The following SLC35F4 variants were observed in gnomAD, a reference collection of about 807,000 sequenced individuals.
SLC35F4 encodes the protein solute carrier family 35 member F4.
In SLC35F4, 24 loss-of-function variants were observed where a neutral mutation model predicts 44.2. That is an observed-to-expected ratio of 0.54 (90% CI 0.39 to 0.76). SLC35F4 has a LOEUF of 0.76. Ranked by LOEUF, SLC35F4 falls within the 30% of genes least tolerant of loss-of-function variation. SLC35F4 has a pLI of 0.00. For missense variants in SLC35F4, 562 were observed against 586.1 expected, an observed-to-expected ratio of 0.96 and a Z score of 0.42; for synonymous variants, 238 against 223.6, an observed-to-expected ratio of 1.06 and a Z score of -0.57.
intron 1 of SLC35F4, among the ~76,000 whole-genome samples, chr14:57,680,793 CT>C (rs1594782566): frequency 6.6e-6 from 1 of 152,102 alleles, no homozygotes; most frequent in East Asian, 1.9e-4. Flanking sequence ...AATAAAATAC[CT>C]AGGAATTCAA....
At chr14:57,918,936 A>G (rs1003512238) in intron 1 of SLC35F4, among the ~76,000 whole-genome samples, 3 of 152,212 alleles carry the variant, frequency 2.0e-5, no homozygotes, top group Non-Finnish European at 4.4e-5. Flanking sequence ...CACCCCAAAA[A>G]TTTATATTTC....
intron 1 of SLC35F4, among the ~76,000 whole-genome samples, chr14:57,708,319 G>A (rs924785695): frequency 2.0e-5 from 3 of 152,006 alleles, no homozygotes; most frequent in Non-Finnish European, 4.4e-5. Flanking sequence ...CCCAAGCCCC[G>A]ACCCACCAAA....
chr14:57,737,960 A>G (rs1811706025), intron 1 of SLC35F4, among the ~76,000 whole-genome samples: 1 of 152,240 alleles, frequency 6.6e-6, no homozygotes, highest in South Asian at 2.1e-4. Flanking sequence ...GTAGGCAGAA[A>G]AAAAGCAATT....
intron 1 of SLC35F4, among the ~76,000 whole-genome samples, chr14:57,920,733 C>A (rs903652964): frequency 1.3e-5 from 2 of 152,172 alleles, no homozygotes; most frequent in African/African-American, 4.8e-5. Flanking sequence ...ATTAACCAGT[C>A]TATAGAAATA....
intron 1 of SLC35F4, among the ~76,000 whole-genome samples, chr14:57,830,350 T>C (rs192933073): frequency 1.2e-3 from 177 of 152,328 alleles, no homozygotes; most frequent in African/African-American, 3.9e-3. Context: ...TGAAATAATG[T>C]ATGTTAACTA....
intron 1 of SLC35F4, among the ~76,000 whole-genome samples, chr14:57,848,141 A>G (rs889220614): frequency 6.6e-6 from 1 of 152,236 alleles, no homozygotes; most frequent in African/African-American, 2.4e-5. Flanking sequence ...AGAATTTCTC[A>G]AAGCCTGGAA....
At chr14:57,623,358 T>C (rs1195387452) in intron 1 of SLC35F4, among the ~76,000 whole-genome samples, 4 of 152,100 alleles carry the variant, frequency 2.6e-5, no homozygotes, top group East Asian at 1.9e-4. Flanking sequence ...CACACAATAA[T>C]AGTGGAAGAC....
chr14:57,768,945 G>A (rs1471699055), intron 1 of SLC35F4, among the ~76,000 whole-genome samples: 2 of 152,046 alleles, frequency 1.3e-5, no homozygotes, highest in African/African-American at 2.4e-5. Context: ...TAGCGATAGG[G>A]TTTCACCATG....
At chr14:57,757,614 A>G (rs186072599) in intron 1 of SLC35F4, among the ~76,000 whole-genome samples, 2,182 of 152,274 alleles carry the variant, frequency 0.014, 26 homozygotes, top group Middle Eastern at 0.054. Context: ...TTCAAGCAAT[A>G]ATATGTCACT....
intron 1 of SLC35F4, among the ~76,000 whole-genome samples, chr14:57,759,946 ATTCT>A (rs2077086396): frequency 6.6e-6 from 1 of 151,058 alleles, no homozygotes; most frequent in African/African-American, 2.4e-5. Context: ...TTGAATATTA[ATTCT>A]TTATCAGATA....
chr14:57,831,844 T>C (rs962857219), intron 1 of SLC35F4, among the ~76,000 whole-genome samples: 1 of 152,198 alleles, frequency 6.6e-6, no homozygotes, highest in Admixed American at 6.5e-5. Context: ...AAAACCCTAC[T>C]GTGATTGAAT....
At chr14:57,840,673 G>C (rs900719623) in intron 1 of SLC35F4, among the ~76,000 whole-genome samples, 3 of 152,114 alleles carry the variant, frequency 2.0e-5, no homozygotes, top group African/African-American at 7.2e-5. Flanking sequence ...TTTCAAAACA[G>C]AAACCTTATC....
chr14:57,908,173 T>G (rs1010711385), intron 1 of SLC35F4, among the ~76,000 whole-genome samples: 1 of 152,242 alleles, frequency 6.6e-6, no homozygotes, highest in Non-Finnish European at 1.5e-5. Context: ...GTACCACATT[T>G]TCTTAATCCA....
intron 1 of SLC35F4, among the ~76,000 whole-genome samples, chr14:57,926,536 C>A (rs990400810): frequency 6.6e-6 from 1 of 152,098 alleles, no homozygotes; most frequent in African/African-American, 2.4e-5. Flanking sequence ...AAAAAAGCAA[C>A]CTGATACTAG....
chr14:57,960,951 G>A (rs1485683789), intron 1 of SLC35F4, among the ~76,000 whole-genome samples: 1 of 152,094 alleles, frequency 6.6e-6, no homozygotes, highest in Non-Finnish European at 1.5e-5. Context: ...CAGCCTTTCT[G>A]CAAGACCCTG....
chr14:57,933,018 G>A (rs1394259929), intron 1 of SLC35F4, among the ~76,000 whole-genome samples: 4 of 151,242 alleles, frequency 2.6e-5, no homozygotes, highest in Admixed American at 2.6e-4. Flanking sequence ...AGGTTAATAA[G>A]GGAAAGTTCT....
intron 1 of SLC35F4, among the ~76,000 whole-genome samples, chr14:57,954,966 A>C (rs1890210240): frequency 6.6e-6 from 1 of 151,682 alleles, no homozygotes; most frequent in East Asian, 1.9e-4. Context: ...AAAAAAAAAA[A>C]AAACCTGGCA....
intron 1 of SLC35F4, among the ~76,000 whole-genome samples, chr14:57,914,200 T>C (rs1249175146): frequency 6.6e-6 from 1 of 151,944 alleles, no homozygotes; most frequent in Non-Finnish European, 1.5e-5. Context: ...CATCCCGTGG[T>C]GAAAGGTAAG....
intron 1 of SLC35F4, among the ~76,000 whole-genome samples, chr14:57,717,113 AC>A (rs1441687113): frequency 1.3e-5 from 2 of 152,204 alleles, no homozygotes; most frequent in East Asian, 3.9e-4. Flanking sequence ...ATGTAGATGA[AC>A]CCTTAGGTTA....
Sources: gnomAD v4.1 joint callset for allele counts (sites outside exome capture counted in the v4.1 genomes callset) on GRCh38, gnomAD v4.1.1 for gene constraint, MANE v1.5 for transcripts, NCBI Gene and HGNC (gene_info 2026-07-23, HGNC 2026-07-21) for gene names.